The following UNC79 variants were observed in gnomAD, a reference collection of about 807,000 sequenced individuals.
UNC79 encodes unc-79 subunit of NALCN channel complex.
In UNC79, 37 loss-of-function variants were observed where a neutral mutation model predicts 283.1. The observed-to-expected ratio is 0.13, with a 90% confidence interval of 0.10 to 0.17. The LOEUF (loss-of-function observed/expected upper bound fraction) is 0.17, where lower values mean the gene tolerates loss of function less well. Among genes scored for constraint, UNC79 ranks in the 10% least tolerant of loss-of-function variants. The probability of loss-of-function intolerance (pLI) is 1.00; values close to 1 mark genes in which losing one functional copy is unlikely to be tolerated. For missense variants in UNC79, 2,272 were observed against 3,211.1 expected (o/e 0.71, Z 7.07); for synonymous variants, 1,107 against 1,200.2 (o/e 0.92, Z 1.61).
intron 30 of UNC79, 88 bp from the exon 33 acceptor site, chr14:93,630,713 A>G: frequency 2.1e-6 from 2 of 960,194 alleles, no homozygotes; most frequent in Non-Finnish European, 3.3e-6. Flanking sequence ...GAATGGTTGT[A>G]GTAGACAAGA....
chr14:93,390,891 C>A (rs1334764234), intron 1 of UNC79, among the ~76,000 whole-genome samples: 1 of 152,150 alleles, frequency 6.6e-6, no homozygotes, highest in Non-Finnish European at 1.5e-5. Context: ...CTCAATTTAT[C>A]TGTAGATTTA....
chr14:93,547,684 A>G (rs1363579725), intron 14 of UNC79, among the ~76,000 whole-genome samples: 1 of 152,188 alleles, frequency 6.6e-6, no homozygotes, highest in East Asian at 1.9e-4. Context: ...AGTCTAGGAC[A>G]TGATAAAGAC....
intron 40 of UNC79, among the ~76,000 whole-genome samples, chr14:93,669,871 T>C (rs1335776182): frequency 6.6e-6 from 1 of 152,128 alleles, no homozygotes; most frequent in Non-Finnish European, 1.5e-5. Context: ...GCAAACCATT[T>C]CTGCAAATAT....
intron 39 of UNC79, among the ~76,000 whole-genome samples, chr14:93,659,489 C>G (rs981496262): frequency 3.3e-5 from 5 of 152,152 alleles, no homozygotes; most frequent in African/African-American, 1.2e-4. Context: ...GCCATGCCCC[C>G]CAATCCATCC....
intron 35 of UNC79, among the ~76,000 whole-genome samples, chr14:93,647,125 T>C (rs2069700354): frequency 6.6e-6 from 1 of 151,280 alleles, no homozygotes; most frequent in African/African-American, 2.4e-5. Context: ...AAATTTATAA[T>C]TGTAAACTGT....
At chr14:93,633,598 G>C (rs1406586011) in intron 31 of UNC79, among the ~76,000 whole-genome samples, 1 of 152,178 alleles carries the variant, frequency 6.6e-6, no homozygotes, top group African/African-American at 2.4e-5. Flanking sequence ...CAAGGTATTT[G>C]GGGTCATGCA....
rs567715566 is a variant in UNC79 at position 93,411,307 on chromosome 14, GT to G, written c.-350-56359del. On this transcript the variant is annotated intron_variant, in intron 1 of 49. Coordinates refer to the UNC79 transcript ENST00000256339. ...ATAGAACACCAGCTAGATTTCTAAG[GT>G]TTTTGACCGTAGTCTCTGGCTCCTG... Among the ~76,000 whole-genome samples, 491 of 152,306 alleles carry G rather than the reference GT, an allele frequency of 3.2e-3. 1 individual carries two copies. The highest frequency in any genetic ancestry group is 5.6e-3 in the Non-Finnish European group (384 of 68,020).
intron 1 of UNC79, among the ~76,000 whole-genome samples, chr14:93,387,372 G>A (rs2140000553): frequency 6.6e-6 from 1 of 152,092 alleles, no homozygotes; most frequent in South Asian, 2.1e-4. Context: ...ATGTAAACAT[G>A]TATAGTTATA....
intron 1 of UNC79, among the ~76,000 whole-genome samples, chr14:93,407,586 C>A (rs1472967826): frequency 2.0e-5 from 3 of 152,142 alleles, no homozygotes; most frequent in Admixed American, 2.0e-4. Context: ...TTAAAGGAAA[C>A]TACCAGGCCT....
intron 14 of UNC79, among the ~76,000 whole-genome samples, chr14:93,558,554 TA>T (rs563152046): frequency 0.066 from 8,330 of 126,250 alleles, 530 homozygotes; most frequent in African/African-American, 0.17. Context: ...AGACTCCATT[TA>T]AAAAAAAAAA....
At chr14:93,369,091 A>G (rs1046968539) in intron 1 of UNC79, among the ~76,000 whole-genome samples, 1 of 152,218 alleles carries the variant, frequency 6.6e-6, no homozygotes, top group African/African-American at 2.4e-5. Flanking sequence ...AAGGTGGAGG[A>G]AGACGAGGCA....
At chr14:93,526,230 AT>A (rs1440432863) in intron 8 of UNC79, among the ~76,000 whole-genome samples, 1 of 152,098 alleles carries the variant, frequency 6.6e-6, no homozygotes, top group African/African-American at 2.4e-5. Flanking sequence ...TGCTGGGGCC[AT>A]TTTTGCACTA....
chr14:93,598,957 C>G (rs1409490603), intron 24 of UNC79, among the ~76,000 whole-genome samples: 2 of 152,074 alleles, frequency 1.3e-5, no homozygotes, highest in African/African-American at 4.8e-5. Context: ...TGTTTGGAAC[C>G]TTTATTTTTT....
chr14:93,688,425 C>T lies in UNC79; in HGVS notation c.6910-240C>T, dbSNP rs2074417861. Among the ~76,000 whole-genome samples the T allele has an allele frequency of 6.6e-6, 1 of 152,082 alleles. No homozygotes were observed. The highest frequency in any genetic ancestry group is 1.5e-5 in the Non-Finnish European group (1 of 68,004). ...GGGGGAACACAGAGAGCCAACACAGCTGGAGCTGCAGGCAGAAGGGGTAAG... is the reference window on the plus strand; with the variant it reads ...GGGGGAACACAGAGAGCCAACACAGTTGGAGCTGCAGGCAGAAGGGGTAAG... On this transcript the variant is annotated intron_variant, in intron 43 of 48. Transcript: ENST00000555664. The surrounding 1 kb of genome is among the most constrained non-coding windows in gnomAD (Gnocchi z 4.0).
At chr14:93,395,502 C>T (rs975349498) in intron 1 of UNC79, among the ~76,000 whole-genome samples, 2 of 152,134 alleles carry the variant, frequency 1.3e-5, no homozygotes, top group African/African-American at 4.8e-5. Flanking sequence ...CTAATGAGAA[C>T]TCACTATCAT....
rs987291181 is a variant in UNC79 at position 93,621,628 on chromosome 14, A to T, written c.4395A>T (p.Ile1465=). Residue 1465 remains isoleucine, a synonymous_variant, in exon 30 of 49, where the codon ATA becomes ATT. Transcript: ENST00000555664. This position sits in a 1 kb window ranked among gnomAD's most constrained non-coding sequence, Gnocchi z 4.8. ...TTTTTCTGTTTTGATCAGGTGAAAT[A>T]GAACTGGCTGAATATAGAGAGACGG... 6.4e-7 allele frequency: 1 copy of T among 1,553,426 alleles called. No individual in the cohort carries two copies. The highest frequency in any genetic ancestry group is 1.3e-5 in the South Asian group (1 of 79,582).
intron 4 of UNC79, among the ~76,000 whole-genome samples, chr14:93,487,035 T>TA (rs1321261612): frequency 6.6e-6 from 1 of 152,032 alleles, no homozygotes; most frequent in Non-Finnish European, 1.5e-5. Context: ...TCTGGAAAAC[T>TA]AAAAAAATGG....
intron 1 of UNC79, among the ~76,000 whole-genome samples, chr14:93,389,611 C>T (rs969925160): frequency 4.0e-5 from 6 of 150,618 alleles, no homozygotes; most frequent in African/African-American, 1.2e-4. Context: ...ACAGAAGCAC[C>T]AACCTAATAC....
chr14:93,583,037 C>A (rs116501252), intron 20 of UNC79, among the ~76,000 whole-genome samples: 2,625 of 152,060 alleles, frequency 0.017, 77 homozygotes, highest in African/African-American at 0.06. Flanking sequence ...ATAGCTTGCT[C>A]CTGGTCAGGC....
Sources: gnomAD v4.1 joint callset for allele counts (sites outside exome capture counted in the v4.1 genomes callset) on GRCh38, gnomAD v4.1.1 for gene constraint, Gnocchi (gnomAD v3.1) non-coding constraint, MANE v1.5 for transcripts, NCBI Gene and HGNC (gene_info 2026-07-23, HGNC 2026-07-21) for gene names.